The following FAM227A variants were observed in gnomAD, a reference collection of about 807,000 sequenced individuals.
FAM227A encodes family with sequence similarity 227 member A, also known as protein FAM227A.
Under a neutral mutation model 74.7 loss-of-function variants are expected in FAM227A, and 80 were observed. The ratio of observed to expected loss-of-function variants is 1.07; its 90% CI spans 0.89 to 1.29. The LOEUF (loss-of-function observed/expected upper bound fraction) is 1.29. Ranked by LOEUF, FAM227A falls within the 50% of genes most tolerant of loss-of-function variation. The probability of loss-of-function intolerance (pLI) is 0.00; values close to 1 mark genes in which losing one functional copy is unlikely to be tolerated. For synonymous variants in FAM227A, 237 were observed against 241.8 expected (o/e 0.98, Z 0.19); for missense variants, 654 against 683.4 (o/e 0.96, Z 0.48).
chr22:38,605,378 C>T lies in FAM227A; in HGVS notation c.1127-30G>A, dbSNP rs1329624507. 13 of 1,351,626 alleles carry T rather than the reference C, an allele frequency of 9.6e-6. 1 individual carries two copies. Among genetic ancestry groups the T allele is most frequent in the Non-Finnish European group, 1.2e-5 (12 of 965,750 alleles). The allele number at this position is 1,351,626 out of a possible 1,614,324, so 83.7% of individuals were successfully genotyped here. A position where few individuals can be genotyped will look rare whatever the true frequency, so the allele number is the denominator to read the frequency against. On this transcript the variant is annotated intron_variant, in intron 12 of 16. Coordinates refer to ENST00000535113, the MANE Select transcript of FAM227A (RefSeq NM_001013647.2). ...CAATGTGACATTAGCAAGAAAATGA[C>T]CATTAGGTTCAAGCAATTCTCGTGC...
chr22:38,638,865 T>C, intron 4 of FAM227A, 43 bp from the exon 5 acceptor site: 1 of 1,302,154 alleles, frequency 7.7e-7, no homozygotes, highest in East Asian at 2.5e-5. Flanking sequence ...AACCACAGGG[T>C]CTGTCCACAG....
chr22:38,586,321 G>C lies in FAM227A; in HGVS notation c.1639-122C>G. 4 of 1,061,466 alleles carry C rather than the reference G, an allele frequency of 3.8e-6. No homozygotes were observed. In the South Asian group the frequency reaches 4.9e-5, roughly 13 times the overall value. 65.8% of individuals were successfully genotyped at this position (1,061,466 alleles called of 1,614,324 possible). A position where few individuals can be genotyped will look rare whatever the true frequency, so the allele number is the denominator to read the frequency against. ...TCCTTGTGTGCATGGAATATTGAGGGCGTGCTCCTGCCTCCAGAGAAAGTG... is the reference window on the plus strand; with the variant it reads ...TCCTTGTGTGCATGGAATATTGAGGCCGTGCTCCTGCCTCCAGAGAAAGTG... On this transcript the variant is annotated intron_variant, in intron 16 of 16. Transcript: ENST00000535113.
Position 38,645,546 on chromosome 22 carries a change from C to T in FAM227A, c.225+17G>A. The T allele has an allele frequency of 6.5e-7, 1 of 1,543,012 alleles. No individual in the cohort carries two copies. Among genetic ancestry groups the T allele is most frequent in the Non-Finnish European group, 8.8e-7 (1 of 1,139,238 alleles). ...CCTGTCAGAAGCTTTGTCTCAGCTC[C>T]AGCATAGGTAACTCACCAGGCTGTT... On this transcript the variant is annotated intron_variant, in intron 3 of 16. Transcript: ENST00000535113.
chr22:38,655,634 C>T (rs1461342195), intron 1 of FAM227A, among the ~76,000 whole-genome samples: 1 of 152,134 alleles, frequency 6.6e-6, no homozygotes, highest in Non-Finnish European at 1.5e-5. Context: ...AAATTAATTT[C>T]ACTTGGCTTT....
chr22:38,583,016 G>C lies in FAM227A; in HGVS notation c.*3109C>G. 6.6e-7 allele frequency: 1 copy of C among 1,515,510 alleles called. No homozygotes were observed. 93.9% of individuals were successfully genotyped at this position (1,515,510 alleles called of 1,614,324 possible). Reference sequence around the variant, plus strand: ...GAAGCAGCAACAGACAAAAGATCCAGAAATAGGAAAGTGTGGTTCCTAGAG... The same window carrying C: ...GAAGCAGCAACAGACAAAAGATCCACAAATAGGAAAGTGTGGTTCCTAGAG... On this transcript the variant is annotated 3_prime_UTR_variant, in exon 17 of 17. Transcript: ENST00000535113.
chr22:38,607,516 G>T, intron 11 of FAM227A, 40 bp from the exon 12 acceptor site: 1 of 1,325,834 alleles, frequency 7.5e-7, no homozygotes. Flanking sequence ...GAGAAAGCGA[G>T]AGAGAGAGAA....
chr22:38,587,794 C>T (rs2146119123), intron 16 of FAM227A, among the ~76,000 whole-genome samples: 1 of 152,258 alleles, frequency 6.6e-6, no homozygotes, highest in South Asian at 2.1e-4. Context: ...AATTATAGAC[C>T]ACTCTTCCTT....
At chr22:38,631,225 G>A (rs1251266781) in intron 6 of FAM227A, among the ~76,000 whole-genome samples, 5 of 152,042 alleles carry the variant, frequency 3.3e-5, no homozygotes, top group Admixed American at 6.6e-5. Flanking sequence ...GAATGATATC[G>A]TGTCCTTTGC....
At chr22:38,615,319 C>A (rs183944258) in intron 11 of FAM227A, among the ~76,000 whole-genome samples, 1 of 152,184 alleles carries the variant, frequency 6.6e-6, no homozygotes, top group Non-Finnish European at 1.5e-5. Context: ...CCATCGCGCC[C>A]GGACAGAGTT....
chr22:38,616,871 G>T (rs2091588840), intron 11 of FAM227A, among the ~76,000 whole-genome samples: 1 of 151,886 alleles, frequency 6.6e-6, no homozygotes. Flanking sequence ...CACAGGCTGG[G>T]GACTGACCTG....
In FAM227A at chr22:38,585,154, G is replaced by C. The variant is rs2090779313; in HGVS notation, c.*971C>G. 6.6e-6 allele frequency: 1 copy of C among 152,108 alleles called. No individual in the cohort carries two copies. Among genetic ancestry groups the C allele is most frequent in the Admixed American group, 6.5e-5 (1 of 15,270 alleles). 9.4% of individuals were successfully genotyped at this position (152,108 alleles called of 1,614,324 possible). On this transcript the variant is annotated 3_prime_UTR_variant, in exon 17 of 17. Coordinates refer to ENST00000535113, the MANE Select transcript of FAM227A (RefSeq NM_001013647.2). ...ACATTTAAATCCTGACTTTTGCTAT[G>C]GTAGGAATGAACTTTACTATTCCTT...
intron 3 of FAM227A, 87 bp from the exon 4 acceptor site, chr22:38,639,811 TTGGTGCACAAAAGACC>T: frequency 1.1e-6 from 1 of 932,320 alleles, no homozygotes; most frequent in Non-Finnish European, 1.7e-6. Context: ...TTTCCTCTTG[TTGGTGCACAAAAGACC>T]TGGAGCAAAG....
chr22:38,591,324 GTAAAATAAAA>G (rs764601462), intron 16 of FAM227A, 101 bp downstream of exon 16: 2 of 1,439,088 alleles, frequency 1.4e-6, no homozygotes, highest in Non-Finnish European at 1.8e-6. Context: ...CTCTGTCTCA[GTAAAATAAAA>G]TAAAATAAAA....
intron 6 of FAM227A, among the ~76,000 whole-genome samples, chr22:38,636,028 G>A (rs573972582): frequency 7.4e-6 from 1 of 134,934 alleles, no homozygotes; most frequent in South Asian, 2.4e-4. Flanking sequence ...AAAGAAAGAA[G>A]AGAGAAAGAG....
intron 11 of FAM227A, among the ~76,000 whole-genome samples, chr22:38,613,308 A>G (rs1036849174): frequency 2.7e-4 from 21 of 79,026 alleles, no homozygotes; most frequent in East Asian, 1.9e-3. Context: ...TATATAATAT[A>G]TAACATATAA....
chr22:38,633,984 G>C (rs562305934), intron 6 of FAM227A, among the ~76,000 whole-genome samples: 1 of 151,852 alleles, frequency 6.6e-6, no homozygotes, highest in Admixed American at 6.6e-5. Context: ...TTTGGGAGGC[G>C]GAGGCAGGTG....
chr22:38,587,580 A>C (rs1433046880), intron 16 of FAM227A, among the ~76,000 whole-genome samples: 2 of 152,202 alleles, frequency 1.3e-5, no homozygotes, highest in East Asian at 3.8e-4. Flanking sequence ...TGAATCAATA[A>C]TCAAAAATCT....
intron 11 of FAM227A, among the ~76,000 whole-genome samples, chr22:38,617,195 T>G (rs1007358849): frequency 6.6e-6 from 1 of 152,040 alleles, no homozygotes; most frequent in African/African-American, 2.4e-5. Flanking sequence ...GCACCATGGT[T>G]GTTGTATCTA....
intron 2 of FAM227A, among the ~76,000 whole-genome samples, chr22:38,649,081 TAGAAG>T (rs1020758814): frequency 2.0e-5 from 3 of 152,170 alleles, no homozygotes; most frequent in Admixed American, 1.3e-4. Flanking sequence ...CTTTGGGAGA[TAGAAG>T]GGAAAGATGG....
Sources: gnomAD v4.1 joint callset for allele counts (sites outside exome capture counted in the v4.1 genomes callset) on GRCh38, gnomAD v4.1.1 for gene constraint, MANE v1.5 for transcripts, NCBI Gene and HGNC (gene_info 2026-07-23, HGNC 2026-07-21) for gene names.